Variants in BICD1 observed in about 807,000 individuals in gnomAD.
BICD1 encodes the protein protein bicaudal D homolog 1.
Under a neutral mutation model 92.5 loss-of-function variants are expected in BICD1, and 35 were observed. The observed-to-expected ratio is 0.38, with a 90% CI of 0.29 to 0.50. BICD1 has a LOEUF of 0.50. BICD1 is among the 20% of genes least tolerant of loss of function. The pLI, the probability that BICD1 is intolerant of heterozygous loss-of-function variation, is 0.93. For synonymous variants in BICD1, 429 were observed against 465.1 expected, an observed-to-expected ratio of 0.92 and a Z score of 1.00; for missense variants, 950 against 1,189.8, an observed-to-expected ratio of 0.80 and a Z score of 2.97.
At chr12:32,375,042 C>T (rs1286561346) in intron 9 of BICD1, among the ~76,000 whole-genome samples, 3 of 149,522 alleles carry the variant, frequency 2.0e-5, no homozygotes, top group African/African-American at 7.4e-5. Flanking sequence ...CCTCAGCCTC[C>T]GGAGTAGCTG....
At chr12:32,214,396 T>A (rs569435305) in intron 1 of BICD1, among the ~76,000 whole-genome samples, 8 of 152,300 alleles carry the variant, frequency 5.3e-5, no homozygotes, top group African/African-American at 1.7e-4. Context: ...TCCAGACACA[T>A]GTTTCTCTCT....
At chr12:32,169,369 C>G (rs1943867012) in intron 1 of BICD1, among the ~76,000 whole-genome samples, 1 of 152,090 alleles carries the variant, frequency 6.6e-6, no homozygotes, top group Non-Finnish European at 1.5e-5. Context: ...AGTTCTCCTT[C>G]TGAGGCCTTC....
At position 32,221,471 on chromosome 12, in the gene BICD1, C is replaced by T. The variant is rs561520327; in HGVS notation, c.426+5012C>T. On this transcript the variant is annotated intron_variant, in intron 2 of 9. Coordinates refer to ENST00000652176, the MANE Select transcript of BICD1 (RefSeq NM_001714.4). ...GGCCGAGGCGGCTGGATCACAAGGT[C>T]GTGAGTTCAAGATCAGCCTGGCCAA... Among the ~76,000 whole-genome samples the T allele has an allele frequency of 4.9e-3, 739 of 151,800 alleles. 3 individuals are homozygous for T. Among genetic ancestry groups the T allele is most frequent in the African/African-American group, 0.017 (711 of 41,446 alleles).
chr12:32,338,687 T>C, intron 7 of BICD1, 99 bp from the exon 8 acceptor site: 2 of 980,904 alleles, frequency 2.0e-6, no homozygotes, highest in Non-Finnish European at 3.0e-6. Context: ...AAAAATTAAA[T>C]GCCAGTATAA....
intron 2 of BICD1, among the ~76,000 whole-genome samples, chr12:32,252,090 A>ATTATATATTATATAT (rs1565619414): frequency 3.9e-5 from 1 of 25,452 alleles, no homozygotes; most frequent in African/African-American, 2.7e-4. Flanking sequence ...ATTTATAAAT[A>ATTATATATTATATAT]TATATTTATA....
chr12:32,126,857 T>C (rs1052960047), intron 1 of BICD1, among the ~76,000 whole-genome samples: 1 of 152,198 alleles, frequency 6.6e-6, no homozygotes, highest in Non-Finnish European at 1.5e-5. Flanking sequence ...ATCCTTGTCA[T>C]CACTTCATAC....
chr12:32,110,913 A>C (rs1228532188), intron 1 of BICD1, among the ~76,000 whole-genome samples: 2 of 151,930 alleles, frequency 1.3e-5, no homozygotes, highest in Non-Finnish European at 2.9e-5. Flanking sequence ...GGTGCAGCAC[A>C]CCAGCATGGC....
At chr12:32,107,571 C>G in intron 1 of BICD1, 27 bp downstream of exon 1, 1 of 1,554,578 alleles carries the variant, frequency 6.4e-7, no homozygotes, top group Non-Finnish European at 8.7e-7. Flanking sequence ...CTCTCCCTTT[C>G]CTGGCCCTCA....
intron 1 of BICD1, among the ~76,000 whole-genome samples, chr12:32,188,121 A>G (rs1004011240): frequency 6.6e-6 from 1 of 152,104 alleles, no homozygotes; most frequent in African/African-American, 2.4e-5. Context: ...GTATTTTTGT[A>G]GAGACGGGGT....
chr12:32,346,583 CGTGTATATATATATATATATATATAT>C lies in BICD1; in HGVS notation c.2764+7605_2764+7630del, dbSNP rs1938607932. ...ATATATATATATATATATATATATA[CGTGTATATATATATATATATATATAT>C]ATACGTGTATATATATATATATATA... On this transcript the variant is annotated intron_variant, in intron 8 of 9. Transcript: ENST00000652176. Among the ~76,000 whole-genome samples the C allele has an allele frequency of 7.7e-4, 20 of 26,130 alleles. 4 individuals carry two copies. Among genetic ancestry groups the C allele is most frequent in the African/African-American group, 1.6e-3 (20 of 12,706 alleles). The allele number at this position is 26,130 out of a possible 152,430, so 17.1% of individuals were successfully genotyped here. A position where few individuals can be genotyped will look rare whatever the true frequency, so the allele number is the denominator to read the frequency against.
chr12:32,118,702 A>C (rs1225823816), intron 1 of BICD1, among the ~76,000 whole-genome samples: 1 of 152,226 alleles, frequency 6.6e-6, no homozygotes, highest in Non-Finnish European at 1.5e-5. Flanking sequence ...TGGTATCTGC[A>C]GGGGGTCCTG....
chr12:32,316,952 T>G (rs1197993437), intron 4 of BICD1, among the ~76,000 whole-genome samples: 1 of 152,100 alleles, frequency 6.6e-6, no homozygotes, highest in African/African-American at 2.4e-5. Flanking sequence ...GAGAACATGC[T>G]GTGTTTGGTT....
chr12:32,326,465 C>A (rs943536529), intron 4 of BICD1, among the ~76,000 whole-genome samples: 1 of 152,154 alleles, frequency 6.6e-6, no homozygotes, highest in African/African-American at 2.4e-5. Flanking sequence ...GTAATACTTA[C>A]ATATCACATT....
intron 4 of BICD1, among the ~76,000 whole-genome samples, chr12:32,320,143 C>T (rs58236386): frequency 0.25 from 37,898 of 151,940 alleles, 5,146 homozygotes; most frequent in East Asian, 0.6. Context: ...TTAGGAGTTC[C>T]GTTTGTGCAT....
At chr12:32,139,386 A>T (rs1462538287) in intron 1 of BICD1, among the ~76,000 whole-genome samples, 5 of 152,194 alleles carry the variant, frequency 3.3e-5, no homozygotes, top group African/African-American at 1.2e-4. Flanking sequence ...TCTGTGTGTG[A>T]TGATGAAAAA....
chr12:32,260,468 C>G (rs1232543105), intron 2 of BICD1, among the ~76,000 whole-genome samples: 1 of 152,166 alleles, frequency 6.6e-6, no homozygotes, highest in African/African-American at 2.4e-5. Context: ...ATAAACAATA[C>G]ATTTTACATT....
At chr12:32,314,474 G>A (rs1461141289) in intron 4 of BICD1, among the ~76,000 whole-genome samples, 1 of 152,168 alleles carries the variant, frequency 6.6e-6, no homozygotes, top group Non-Finnish European at 1.5e-5. Flanking sequence ...CATCCTGGTG[G>A]ATGTGAAGTG....
chr12:32,267,795 C>G (rs1293616754), intron 2 of BICD1, among the ~76,000 whole-genome samples: 2 of 152,074 alleles, frequency 1.3e-5, no homozygotes, highest in Non-Finnish European at 2.9e-5. Flanking sequence ...CATTGTCTGA[C>G]TATCCTTTTT....
At position 32,117,758 on chromosome 12, in the gene BICD1, A is replaced by ATT. The variant is rs1180018434; in HGVS notation, c.213+10222_213+10223dup. The stretch of plus-strand genomic sequence containing the variant: ...CACATATATATATATATATATATAT[A>ATT]TTTTTTTTTAAGACCATATTTCGCT... On this transcript the variant is annotated intron_variant, in intron 1 of 9. Transcript: ENST00000652176. Among the ~76,000 whole-genome samples, 737 of 107,882 alleles carry ATT rather than the reference A, an allele frequency of 6.8e-3. 3 individuals are homozygous for ATT. Among genetic ancestry groups the ATT allele is most frequent in the Non-Finnish European group, 8.3e-3 (440 of 52,938 alleles). The allele number at this position is 107,882 out of a possible 152,430, so 70.8% of individuals were successfully genotyped here. A position where few individuals can be genotyped will look rare whatever the true frequency, so the allele number is the denominator to read the frequency against.
Sources: gnomAD v4.1 joint callset for allele counts (sites outside exome capture counted in the v4.1 genomes callset) on GRCh38, gnomAD v4.1.1 for gene constraint, MANE v1.5 for transcripts, NCBI Gene and HGNC (gene_info 2026-07-23, HGNC 2026-07-21) for gene names.